The following FANCL variants were observed in gnomAD, a reference collection of about 807,000 sequenced individuals.
FANCL encodes E3 ubiquitin-protein ligase FANCL.
Under a neutral mutation model 59.4 loss-of-function variants are expected in FANCL, and 69 were observed. The ratio of observed to expected loss-of-function variants is 1.16; its 90% CI spans 0.96 to 1.42. FANCL has a LOEUF of 1.42. FANCL is among the 40% of genes most tolerant of loss of function. FANCL has a pLI of 0.00. For missense variants in FANCL, 519 were observed against 447.2 expected (o/e 1.16, Z -1.45); for synonymous variants, 180 against 147.1 (o/e 1.22, Z -1.62).
intron 5 of FANCL, among the ~76,000 whole-genome samples, chr2:58,211,077 G>A (rs978740464): frequency 6.6e-6 from 1 of 152,184 alleles, no homozygotes; most frequent in African/African-American, 2.4e-5. Flanking sequence ...TAGGGACTCT[G>A]TGTGGGGACT....
intron 5 of FANCL, among the ~76,000 whole-genome samples, chr2:58,212,943 C>A (rs2105214775): frequency 6.6e-6 from 1 of 152,250 alleles, no homozygotes; most frequent in East Asian, 1.9e-4. Context: ...AAGCTTTCAT[C>A]TTATTTTAAA....
Position 58,165,716 on chromosome 2 carries a change from G to C in FANCL, c.691+8C>G. ...TAAAAACAAACCCTTAATCCTCCTT[G>C]TCCCTACCTAATGCAATTCTGCGTG... On this transcript the variant is annotated splice_region_variant and intron_variant, in intron 8 of 13. Coordinates refer to ENST00000233741, the MANE Select transcript of FANCL (RefSeq NM_018062.4). 2 of 1,613,924 alleles carry C rather than the reference G, an allele frequency of 1.2e-6. No homozygotes were observed. Among genetic ancestry groups the C allele is most frequent in the Non-Finnish European group, 1.7e-6 (2 of 1,179,904 alleles).
intron 1 of FANCL, among the ~76,000 whole-genome samples, chr2:58,237,531 T>G (rs984613009): frequency 2.0e-5 from 3 of 151,998 alleles, no homozygotes; most frequent in South Asian, 2.1e-4. Context: ...ATCAATAATC[T>G]TCCATCTAAA....
intron 7 of FANCL, among the ~76,000 whole-genome samples, chr2:58,178,636 G>A (rs1431909352): frequency 1.3e-5 from 2 of 152,090 alleles, no homozygotes; most frequent in African/African-American, 2.4e-5. Flanking sequence ...TACTGAATGG[G>A]CAAAAGCTGG....
At chr2:58,238,313 T>C (rs948467981) in intron 1 of FANCL, among the ~76,000 whole-genome samples, 3 of 152,204 alleles carry the variant, frequency 2.0e-5, no homozygotes, top group African/African-American at 7.2e-5. Flanking sequence ...GATTGCAAGA[T>C]CATGAGAGAT....
intron 5 of FANCL, among the ~76,000 whole-genome samples, chr2:58,208,361 CCACTT>C (rs1485076867): frequency 6.6e-6 from 1 of 152,036 alleles, no homozygotes; most frequent in Non-Finnish European, 1.5e-5. Context: ...TTTTGGCACT[CCACTT>C]TGTATTTATC....
At chr2:58,169,216 G>A (rs538847085) in intron 7 of FANCL, among the ~76,000 whole-genome samples, 4 of 152,300 alleles carry the variant, frequency 2.6e-5, no homozygotes, top group South Asian at 2.1e-4. Flanking sequence ...GGAACAGGCA[G>A]CAAAATCTTT....
At chr2:58,221,747 T>C (rs1573776792) in intron 5 of FANCL, among the ~76,000 whole-genome samples, 195 bp downstream of exon 5, 1 of 152,212 alleles carries the variant, frequency 6.6e-6, no homozygotes, top group East Asian at 1.9e-4. Flanking sequence ...AAATTATATT[T>C]AGCATTTTAC....
At chr2:58,220,393 AG>A (rs902061044) in intron 5 of FANCL, among the ~76,000 whole-genome samples, 1 of 136,716 alleles carries the variant, frequency 7.3e-6, no homozygotes, top group African/African-American at 2.7e-5. Context: ...TTAAAACAAA[AG>A]GGAAAAAATT....
At chr2:58,209,152 T>G (rs1690879218) in intron 5 of FANCL, among the ~76,000 whole-genome samples, 1 of 152,020 alleles carries the variant, frequency 6.6e-6, no homozygotes, top group African/African-American at 2.4e-5. Flanking sequence ...CCTTTTCATG[T>G]AAGTTTTAGC....
At chr2:58,172,579 T>G (rs1161672268) in intron 7 of FANCL, among the ~76,000 whole-genome samples, 1 of 152,182 alleles carries the variant, frequency 6.6e-6, no homozygotes, top group African/African-American at 2.4e-5. Flanking sequence ...CAGAAAGGAC[T>G]CTTAGCTGAG....
At chr2:58,215,309 T>A (rs1353792710) in intron 5 of FANCL, among the ~76,000 whole-genome samples, 1 of 152,156 alleles carries the variant, frequency 6.6e-6, no homozygotes, top group East Asian at 1.9e-4. Flanking sequence ...GCTCCAACCA[T>A]CCCAAATCCT....
intron 7 of FANCL, among the ~76,000 whole-genome samples, chr2:58,171,746 C>G (rs965181526): frequency 3.9e-5 from 6 of 152,176 alleles, no homozygotes; most frequent in African/African-American, 1.2e-4. Flanking sequence ...GAGTGCCAGA[C>G]AGTGGGCGCA....
Position 58,229,847 on chromosome 2 carries a change from T to C in FANCL, c.183A>G (p.Thr61=). Residue 61 remains threonine (T), a synonymous_variant, in exon 3 of 14, where the codon ACA becomes ACG. Coordinates refer to ENST00000233741, the MANE Select transcript of FANCL (RefSeq NM_018062.4). ...ARLLCSWQLR[T]ILSGYHRIVQ... is the part of the protein sequence containing the mutation. ...CTATTCGATGGTATCCACTAAGTAT[T>C]GTTCTCAGCTGCCAACTACATAATA... is the stretch of plus-strand genomic sequence containing the variant. 6.2e-7 allele frequency: 1 copy of C among 1,611,072 alleles called. No individual in the cohort carries two copies. The highest frequency in any genetic ancestry group is 8.5e-7 in the Non-Finnish European group (1 of 1,177,354).
At chr2:58,239,283 T>A (rs1172807322) in intron 1 of FANCL, among the ~76,000 whole-genome samples, 1 of 152,184 alleles carries the variant, frequency 6.6e-6, no homozygotes, top group East Asian at 1.9e-4. Flanking sequence ...ACATCATTAA[T>A]AATGGAACCA....
intron 4 of FANCL, among the ~76,000 whole-genome samples, chr2:58,223,398 G>A (rs13418724): frequency 0.075 from 11,395 of 151,950 alleles, 781 homozygotes; most frequent in African/African-American, 0.17. Flanking sequence ...CTTCTTTCAA[G>A]ATTTGTTTTT....
At chr2:58,169,293 C>T (rs1165771406) in intron 7 of FANCL, among the ~76,000 whole-genome samples, 1 of 152,152 alleles carries the variant, frequency 6.6e-6, no homozygotes, top group Non-Finnish European at 1.5e-5. Flanking sequence ...CCAGCAAAAT[C>T]CAGCAGACCT....
intron 1 of FANCL, among the ~76,000 whole-genome samples, chr2:58,234,064 A>T (rs1229872220): frequency 6.6e-6 from 1 of 152,116 alleles, no homozygotes; most frequent in Non-Finnish European, 1.5e-5. Flanking sequence ...GTAATTTTAT[A>T]AACTATTGCA....
chr2:58,179,728 T>C (rs1232544072), intron 7 of FANCL, among the ~76,000 whole-genome samples: 2 of 151,854 alleles, frequency 1.3e-5, no homozygotes, highest in African/African-American at 2.4e-5. Flanking sequence ...AACTGACAAA[T>C]GGGATCTAAT....
Sources: allele counts gnomAD v4.1 joint callset (sites outside exome capture counted in the v4.1 genomes callset), GRCh38; gene constraint gnomAD v4.1.1; transcripts MANE v1.5; gene names NCBI Gene and HGNC (gene_info 2026-07-23, HGNC 2026-07-21).